SPTLC2: variants seen among roughly 807,000 people sequenced by gnomAD.
SPTLC2 encodes the protein serine palmitoyltransferase long chain base subunit 2.
SPTLC2 carries 21 observed loss-of-function variants against 62.0 expected under a neutral mutation model. The observed-to-expected ratio is 0.34, with a 90% CI of 0.24 to 0.49. The LOEUF (loss-of-function observed/expected upper bound fraction) is 0.49, where lower values mean the gene tolerates loss of function less well. SPTLC2 is among the 20% of genes least tolerant of loss of function. The pLI, the probability that SPTLC2 is intolerant of heterozygous loss-of-function variation, is 0.99. For missense variants in SPTLC2, 511 were observed against 713.0 expected (o/e 0.72, Z 3.23); for synonymous variants, 261 against 261.8 (o/e 1.00, Z 0.03).
intron 2 of SPTLC2, among the ~76,000 whole-genome samples, chr14:77,587,343 C>T (rs1432038564): frequency 6.6e-6 from 1 of 152,136 alleles, no homozygotes; most frequent in East Asian, 1.9e-4. Flanking sequence ...CTCTATAACT[C>T]TATAACTCAA....
chr14:77,555,608 A>T, intron 7 of SPTLC2, 89 bp from the exon 8 acceptor site: 1 of 1,257,508 alleles, frequency 8.0e-7, no homozygotes. Context: ...ATTATTATTG[A>T]GTTTACTGCT....
intron 1 of SPTLC2, among the ~76,000 whole-genome samples, chr14:77,612,182 T>C (rs2079941782): frequency 1.3e-5 from 2 of 152,202 alleles, no homozygotes; most frequent in Admixed American, 6.5e-5. Flanking sequence ...TCCCTCTGAA[T>C]TGCCTATTCT....
chr14:77,564,374 C>T (rs984888792), intron 5 of SPTLC2, among the ~76,000 whole-genome samples: 1 of 149,888 alleles, frequency 6.7e-6, no homozygotes, highest in Non-Finnish European at 1.5e-5. Context: ...CAATAGACTC[C>T]TGGCTTTCAA....
chr14:77,523,276 A>C (rs2079393439), intron 9 of SPTLC2, among the ~76,000 whole-genome samples: 1 of 152,240 alleles, frequency 6.6e-6, no homozygotes. Context: ...CAAAGTACAT[A>C]AACAATGACT....
At chr14:77,559,085 C>A (rs143363836) in intron 6 of SPTLC2, among the ~76,000 whole-genome samples, 4,040 of 152,084 alleles carry the variant, frequency 0.027, 178 homozygotes, top group African/African-American at 0.093. Flanking sequence ...TTTGGGAGAC[C>A]GAGGCGGGTG....
At chr14:77,613,836 C>G (rs998449508) in intron 1 of SPTLC2, among the ~76,000 whole-genome samples, 1 of 152,156 alleles carries the variant, frequency 6.6e-6, no homozygotes, top group Admixed American at 6.6e-5. Context: ...ACAAGCACAT[C>G]GCTTTAATTA....
intron 2 of SPTLC2, among the ~76,000 whole-genome samples, chr14:77,581,405 C>CTTTTTTTTTTTT (rs1159561282): frequency 2.1e-5 from 2 of 94,008 alleles, no homozygotes; most frequent in Non-Finnish European, 2.0e-5. Flanking sequence ...TACCATCTCT[C>CTTTTTTTTTTTT]TTTTTTTTTT....
intron 2 of SPTLC2, among the ~76,000 whole-genome samples, chr14:77,596,560 T>C (rs2079848894): frequency 6.6e-6 from 1 of 151,992 alleles, no homozygotes; most frequent in Admixed American, 6.5e-5. Flanking sequence ...CAAAGGAACA[T>C]GCAGAGAAAA....
intron 1 of SPTLC2, among the ~76,000 whole-genome samples, chr14:77,605,922 A>G (rs1295755324): frequency 6.6e-6 from 1 of 152,244 alleles, no homozygotes; most frequent in African/African-American, 2.4e-5. Flanking sequence ...AGCCCAGTCC[A>G]ACTCAGTTGT....
Position 77,570,269 on chromosome 14 carries a change from T to C in SPTLC2, c.756+115A>G, listed in dbSNP as rs549023993. Reference sequence around the variant, plus strand: ...AAACAATTTGTGGTAGAAATATCTTTGGCTAAACTATGTTTAGCCTAAAGT... The same window carrying C: ...AAACAATTTGTGGTAGAAATATCTTCGGCTAAACTATGTTTAGCCTAAAGT... On this transcript the variant is annotated intron_variant, in intron 5 of 11. Transcript: ENST00000216484. The C allele has an allele frequency of 9.8e-6, 13 of 1,320,552 alleles. No homozygotes were observed. The South Asian group carries it at 1.5e-4, about 16-fold the overall frequency. 81.8% of individuals were successfully genotyped at this position (1,320,552 alleles called of 1,614,324 possible).
rs998968202 is a variant in SPTLC2 at position 77,543,876 on chromosome 14, C to T, written c.1303+8220G>A. ...AAAAATGGCAACTTAGCTCTGCCAG[C>T]AAATGCCTGTCTTACAAGCCAAACA... is the stretch of plus-strand genomic sequence containing the variant. On this transcript the variant is annotated intron_variant, in intron 9 of 11. Transcript: ENST00000216484. 7.2e-5 allele frequency among the ~76,000 whole-genome samples: 11 copies of T among 152,190 alleles called. 1 individual carries two copies. The South Asian group carries it at 1.2e-3, about 17-fold the overall frequency.
intron 9 of SPTLC2, among the ~76,000 whole-genome samples, chr14:77,544,920 T>G (rs1046824849): frequency 6.6e-6 from 1 of 152,140 alleles, no homozygotes; most frequent in Non-Finnish European, 1.5e-5. Flanking sequence ...CTCTTAGTAT[T>G]TTTCTATCTA....
intron 9 of SPTLC2, among the ~76,000 whole-genome samples, chr14:77,542,640 A>C (rs2079507465): frequency 6.6e-6 from 1 of 152,204 alleles, no homozygotes; most frequent in Non-Finnish European, 1.5e-5. Flanking sequence ...AGAACATCAA[A>C]GCAGACAGAT....
In SPTLC2 at chr14:77,518,037, C is replaced by T. The variant is rs112421552; in HGVS notation, c.1569+1G>A. ...ATATCAAGGTGAAAGTGCCTACTTA[C>T]AGTATCAAGTATTTCTTTGGTATGA... On this transcript the variant is annotated splice_donor_variant, in intron 11 of 11. Transcript: ENST00000216484. LOFTEE classifies it high-confidence loss of function. 6.2e-7 allele frequency: 1 copy of T among 1,614,154 alleles called. No individual in the cohort carries two copies. The highest frequency in any genetic ancestry group is 8.5e-7 in the Non-Finnish European group (1 of 1,180,020).
intron 2 of SPTLC2, among the ~76,000 whole-genome samples, chr14:77,588,207 G>A (rs2079793506): frequency 6.6e-6 from 1 of 152,006 alleles, no homozygotes; most frequent in Non-Finnish European, 1.5e-5. Flanking sequence ...CAAACTGCTG[G>A]GATTATTGGT....
intron 11 of SPTLC2, among the ~76,000 whole-genome samples, chr14:77,516,041 C>G (rs1019885060): frequency 6.9e-6 from 1 of 145,616 alleles, no homozygotes; most frequent in East Asian, 2.1e-4. Context: ...TATTTTACAG[C>G]ACTTTCTATA....
chr14:77,571,910 C>G (rs1376873974), intron 4 of SPTLC2, among the ~76,000 whole-genome samples: 1 of 152,102 alleles, frequency 6.6e-6, no homozygotes, highest in Non-Finnish European at 1.5e-5. Context: ...CCTGCTTCAG[C>G]CTCCCAAGTA....
In SPTLC2 at chr14:77,562,404, T is replaced by A; in HGVS notation, c.842A>T (p.Lys281Ile). The A allele has an allele frequency of 6.2e-7, 1 of 1,614,176 alleles. No homozygotes were observed. The change falls in exon 6 of 12, where the codon AAA becomes ATA. Residue 281 changes from lysine to isoleucine, a missense_variant. Coordinates refer to ENST00000216484, the MANE Select transcript of SPTLC2 (RefSeq NM_004863.4). ...TTCTTCAGCAAACTCACTGTTGTGTTTGAAGATTCTAATGGTTGCTCCTGA... is the reference window on the plus strand; with the variant it reads ...TTCTTCAGCAAACTCACTGTTGTGTATGAAGATTCTAATGGTTGCTCCTGA... ...RLSGATIRIFKHNNMQSLEKL... is the reference protein window; with the variant it reads ...RLSGATIRIFIHNNMQSLEKL...
chr14:77,615,384 G>C (rs533271877), intron 1 of SPTLC2, among the ~76,000 whole-genome samples: 1 of 152,152 alleles, frequency 6.6e-6, no homozygotes, highest in Non-Finnish European at 1.5e-5. Flanking sequence ...CTACTCATCT[G>C]GGGAGTAGTT....
Sources: gnomAD v4.1 joint callset for allele counts (sites outside exome capture counted in the v4.1 genomes callset) on GRCh38, gnomAD v4.1.1 for gene constraint, MANE v1.5 for transcripts, NCBI Gene and HGNC (gene_info 2026-07-23, HGNC 2026-07-21) for gene names.